The following MYO18A variants were observed in gnomAD, a reference collection of about 807,000 sequenced individuals.
MYO18A encodes unconventional myosin-XVIIIa.
MYO18A carries 78 observed loss-of-function variants against 235.8 expected under a neutral mutation model. The ratio of observed to expected loss-of-function variants is 0.33; its 90% CI spans 0.28 to 0.40. The LOEUF (loss-of-function observed/expected upper bound fraction) is 0.40. Among genes scored for constraint, MYO18A ranks in the 10% least tolerant of loss-of-function variants. The pLI, the probability that MYO18A is intolerant of heterozygous loss-of-function variation, is 1.00. For synonymous variants in MYO18A, 977 were observed against 1,077.8 expected (o/e 0.91, Z 1.83); for missense variants, 2,215 against 2,699.3 (o/e 0.82, Z 3.98).
chr17:29,161,845 G>C (rs902814836), intron 2 of MYO18A, among the ~76,000 whole-genome samples: 2 of 152,134 alleles, frequency 1.3e-5, no homozygotes, highest in Admixed American at 1.3e-4. Context: ...ATCCAACTGG[G>C]GTTTTGAGAT....
intron 2 of MYO18A, among the ~76,000 whole-genome samples, chr17:29,148,579 C>G (rs1447755771): frequency 4.3e-5 from 5 of 117,356 alleles, no homozygotes; most frequent in Admixed American, 7.9e-5. Context: ...ATCCTTTATT[C>G]TTTTGTGTGT....
rs2066528077 is a variant in MYO18A, at chr17:29,096,777, C to T, written c.4369G>A (p.Glu1457Lys). The T allele has an allele frequency of 1.2e-6, 2 of 1,604,854 alleles. No homozygotes were observed. Among genetic ancestry groups the T allele is most frequent in the Non-Finnish European group, 1.7e-6 (2 of 1,175,482 alleles). Reference protein sequence around the residue: ...EGQQVRNHELEKKQRRFDSEL... With the variant: ...EGQQVRNHELKKKQRRFDSEL... The stretch of plus-strand genomic sequence containing the variant: ...CCCACCCACCTCCTCTGCTTCTTCT[C>T]CAGTTCGTGGTTGCGGACCTGCTGG... The change falls in exon 28 of 42, where the codon GAG becomes AAG. Residue 1457 changes from glutamate to lysine, a missense_variant. By Grantham distance (56) the Glu-to-Lys change is moderately conservative. Transcript: ENST00000527372.
intron 2 of MYO18A, among the ~76,000 whole-genome samples, chr17:29,137,881 TTTG>T (rs2067641639): frequency 6.6e-6 from 1 of 152,120 alleles, no homozygotes; most frequent in Non-Finnish European, 1.5e-5. Context: ...TTGGTATGTA[TTTG>T]TTACTTACTG....
Position 29,107,083 on chromosome 17 carries a change from C to T in MYO18A, c.3438G>A (p.Arg1146=). ...HGRNYIVVDE[R]RAVEELLECL... is the part of the protein sequence containing the mutation. ...CGGTCTGGGGACCTGGACCTACCCG[C>T]CTTTCATCCACCACGATGTAGTTAC... The change falls in exon 20 of 42, where the codon AGG becomes AGA. Residue 1146 remains arginine, a synonymous_variant. Coordinates refer to ENST00000527372, the MANE Select transcript of MYO18A (RefSeq NM_078471.4). 1 of 1,613,952 alleles carries T rather than the reference C, an allele frequency of 6.2e-7. No individual in the cohort carries two copies. The highest frequency in any genetic ancestry group is 8.5e-7 in the Non-Finnish European group (1 of 1,179,832).
At chr17:29,088,805 A>C (rs1598280164) in intron 37 of MYO18A, among the ~76,000 whole-genome samples, 1 of 152,306 alleles carries the variant, frequency 6.6e-6, no homozygotes, top group East Asian at 1.9e-4. Flanking sequence ...TGGGAAGCTG[A>C]GGCAGGCGGA....
In MYO18A at chr17:29,092,839, T is replaced by C; in HGVS notation, c.5073+16A>G. Reference sequence around the variant, plus strand: ...CTCTGTTGTGCCTGGATCAGCCGTGTGCTCTCTGTGGATACCTGGTTCTTG... The same window carrying C: ...CTCTGTTGTGCCTGGATCAGCCGTGCGCTCTCTGTGGATACCTGGTTCTTG... On this transcript the variant is annotated intron_variant, in intron 33 of 41. Coordinates refer to ENST00000527372, the MANE Select transcript of MYO18A (RefSeq NM_078471.4). The C allele has an allele frequency of 1.9e-6, 3 of 1,613,516 alleles. No individual in the cohort carries two copies. Among genetic ancestry groups the C allele is most frequent in the Non-Finnish European group, 2.5e-6 (3 of 1,179,768 alleles).
At chr17:29,171,369 G>A (rs768348737) in intron 1 of MYO18A, among the ~76,000 whole-genome samples, 6 of 152,022 alleles carry the variant, frequency 3.9e-5, no homozygotes, top group African/African-American at 9.7e-5. Context: ...CCTGGGAGGC[G>A]GAGGTTGCAG....
intron 21 of MYO18A, among the ~76,000 whole-genome samples, chr17:29,100,571 T>TCGG (rs1420461957): frequency 6.6e-6 from 1 of 152,208 alleles, no homozygotes; most frequent in East Asian, 1.9e-4. Flanking sequence ...GAGATAGGGC[T>TCGG]CGGTAAAATT....
Position 29,166,607 on chromosome 17 carries a change from T to C in MYO18A, c.334A>G (p.Ser112Gly). The change falls in exon 2 of 42, where the codon AGC becomes GGC. Residue 112 changes from serine to glycine, a missense_variant. Transcript: ENST00000527372. ...SSDDLKGEEG[S>G]FRGSVLQRAA... ...CGCTGCAGCACCGAGCCACGGAAGC[T>C]ACCCTCCTCACCCTTGAGGTCATCG... 6.2e-7 allele frequency: 1 copy of C among 1,613,902 alleles called. No homozygotes were observed. Among genetic ancestry groups the C allele is most frequent in the Non-Finnish European group, 8.5e-7 (1 of 1,179,868 alleles).
Position 29,103,491 on chromosome 17 carries a change from A to G in MYO18A, c.3507+108T>C, listed in dbSNP as rs1015087850. 25 of 1,126,694 alleles carry G rather than the reference A, an allele frequency of 2.2e-5. No homozygotes were observed. The South Asian group carries it at 3.2e-4, about 14-fold the overall frequency. The allele number at this position is 1,126,694 out of a possible 1,614,324, so 69.8% of individuals were successfully genotyped here. The stretch of plus-strand genomic sequence containing the variant: ...CTGGGGGCAAGACTCAGAGGGCACC[A>G]GGAGACTGGTGATGTCTGGCTGAGC... On this transcript the variant is annotated intron_variant, in intron 21 of 41. Transcript: ENST00000527372.
intron 40 of MYO18A, among the ~76,000 whole-genome samples, chr17:29,083,532 GCACACACACA>G (rs57491599): frequency 2.8e-5 from 4 of 144,664 alleles, no homozygotes; most frequent in Admixed American, 6.9e-5. Context: ...GCGCGCGCGC[GCACACACACA>G]CACACACACA....
intron 2 of MYO18A, among the ~76,000 whole-genome samples, chr17:29,160,947 G>A: frequency 6.6e-6 from 1 of 152,240 alleles, no homozygotes; most frequent in South Asian, 2.1e-4. Context: ...GCCAGGTGTA[G>A]TGGCTCACGC....
intron 18 of MYO18A, 126 bp downstream of exon 18, chr17:29,110,310 A>G (rs2066898530): frequency 1.5e-6 from 2 of 1,303,010 alleles, no homozygotes; most frequent in East Asian, 5.1e-5. Flanking sequence ...ACCTGCAGCC[A>G]TTGAGTCACA....
chr17:29,168,522 C>T (rs1422837184), intron 1 of MYO18A, among the ~76,000 whole-genome samples: 1 of 152,212 alleles, frequency 6.6e-6, no homozygotes, highest in African/African-American at 2.4e-5. Flanking sequence ...AGAGGATCTA[C>T]AAGCTTATCC....
intron 11 of MYO18A, among the ~76,000 whole-genome samples, chr17:29,116,076 G>A (rs1333941339): frequency 1.3e-5 from 2 of 152,204 alleles, no homozygotes; most frequent in African/African-American, 4.8e-5. Context: ...TGCTGCCACC[G>A]GAGGGCAACA....
In MYO18A at chr17:29,128,425, G is replaced by A. The variant is rs565303489; in HGVS notation, c.1000-6172C>T. The stretch of plus-strand genomic sequence containing the variant: ...CTTCTGCTGTGGCAGCTCCCGGGCC[G>A]TTCATGGCGAGTGTGGGTGCAGGGC... On this transcript the variant is annotated intron_variant, in intron 2 of 41. Transcript: ENST00000527372. The A allele has an allele frequency of 7.5e-4, 962 of 1,289,392 alleles. 1 individual carries two copies. The highest frequency in any genetic ancestry group is 7.4e-3 in the African/African-American group (488 of 65,908). 79.9% of individuals were successfully genotyped at this position (1,289,392 alleles called of 1,614,324 possible).
In MYO18A at chr17:29,106,552, G is replaced by T. The variant is rs1354520316; in HGVS notation, c.3441+528C>A. 6.6e-6 allele frequency among the ~76,000 whole-genome samples: 1 copy of T among 152,214 alleles called. No individual in the cohort carries two copies. Among genetic ancestry groups the T allele is most frequent in the Non-Finnish European group, 1.5e-5 (1 of 68,022 alleles). On this transcript the variant is annotated intron_variant, in intron 20 of 41. Transcript: ENST00000527372. This position sits in a 1 kb window ranked among gnomAD's most constrained non-coding sequence, Gnocchi z 4.6. ...TGGGAGCCCTGTGACTGTCTAAGGG[G>T]CTGCCTCTGGGGCTCAAGGTGATAG...
At chr17:29,165,376 C>G (rs572915162) in intron 2 of MYO18A, 1 of 152,614 alleles carries the variant, frequency 6.6e-6, no homozygotes, top group Non-Finnish European at 1.5e-5. Flanking sequence ...ATATGGTGCC[C>G]AAACCCCTCA....
At position 29,074,270 on chromosome 17, in the gene MYO18A, G is replaced by A; in HGVS notation, c.*500C>T. On this transcript the variant is annotated 3_prime_UTR_variant, in exon 42 of 42. Transcript: ENST00000527372. The surrounding 1 kb of genome is among the most constrained non-coding windows in gnomAD (Gnocchi z 4.4). ...CCACTCTCAGGGATGCAGCTGTGATGGAGAGGTTGGGTATTTAAATTAAAA... is the reference window on the plus strand; with the variant it reads ...CCACTCTCAGGGATGCAGCTGTGATAGAGAGGTTGGGTATTTAAATTAAAA... 7.4e-7 allele frequency: 1 copy of A among 1,349,454 alleles called. No individual in the cohort carries two copies. Among genetic ancestry groups the A allele is most frequent in the Admixed American group, 2.4e-5 (1 of 42,098 alleles). The allele number at this position is 1,349,454 out of a possible 1,614,324, so 83.6% of individuals were successfully genotyped here.
Sources: allele counts gnomAD v4.1 joint callset (sites outside exome capture counted in the v4.1 genomes callset), GRCh38; gene constraint gnomAD v4.1.1; non-coding constraint Gnocchi (gnomAD v3.1); transcripts MANE v1.5; gene names NCBI Gene and HGNC (gene_info 2026-07-23, HGNC 2026-07-21).